The following THRA variants were observed in gnomAD, a reference collection of about 807,000 sequenced individuals.
THRA encodes EAR-7.
Under a neutral mutation model 45.0 loss-of-function variants are expected in THRA, and 13 were observed. The observed-to-expected ratio is 0.29, with a 90% CI of 0.19 to 0.46. The LOEUF (loss-of-function observed/expected upper bound fraction) is 0.46. Ranked by LOEUF, THRA falls within the 20% of genes least tolerant of loss-of-function variation. The pLI, the probability that THRA is intolerant of heterozygous loss-of-function variation, is 1.00. For synonymous variants in THRA, 195 were observed against 214.0 expected (o/e 0.91, Z 0.78); for missense variants, 278 against 556.1 (o/e 0.50, Z 5.03).
At chr17:40,064,435 G>A (rs1404196869) in intron 1 of THRA, among the ~76,000 whole-genome samples, 1 of 152,212 alleles carries the variant, frequency 6.6e-6, no homozygotes, top group African/African-American at 2.4e-5. Context: ...AGACATCATT[G>A]CTTGCCGTGA....
At chr17:40,072,085 C>G (rs1381492453) in intron 1 of THRA, 1 of 152,458 alleles carries the variant, frequency 6.6e-6, no homozygotes, top group African/African-American at 2.4e-5. Flanking sequence ...TTGGCAGTAC[C>G]CAGACACATT....
chr17:40,065,774 G>T (rs989153512), intron 1 of THRA, among the ~76,000 whole-genome samples: 2 of 60,786 alleles, frequency 3.3e-5, no homozygotes, highest in African/African-American at 2.3e-4. Context: ...ATGGGGGAAG[G>T]GGGGGGGGGT....
At chr17:40,087,286 TAGAC>T (rs1268041421) in intron 7 of THRA, among the ~76,000 whole-genome samples, 1 of 103,178 alleles carries the variant, frequency 9.7e-6, no homozygotes, top group Non-Finnish European at 1.9e-5. Flanking sequence ...CACAGATACA[TAGAC>T]ACACACACAC....
rs1282785907 is a variant in THRA, at chr17:40,089,371, G to A, written c.1148G>A (p.Ser383Asn). 7.4e-6 allele frequency: 12 copies of A among 1,614,154 alleles called. No individual in the cohort carries two copies. Among genetic ancestry groups the A allele is most frequent in the Non-Finnish European group, 1.0e-5 (12 of 1,180,036 alleles). ...DLRMIGACHA[S>N]RFLHMKVECP... ...CGCATGATCGGGGCCTGCCACGCCA[G>A]CCGCTTCCTCCACATGAAAGTCGAG... Residue 383 changes from serine to asparagine, a missense_variant, in exon 9 of 9, where the codon AGC becomes AAC. Physicochemically the swap from Ser to Asn is conservative, Grantham distance 46. Around this residue, in one of 6 missense-constraint regions of THRA, gnomAD observed 14 missense variants for 56.3 expected, o/e 0.25. Coordinates refer to ENST00000450525, the MANE Select transcript of THRA (RefSeq NM_199334.5). This position sits in a 1 kb window ranked among gnomAD's most constrained non-coding sequence, Gnocchi z 6.1.
chr17:40,075,409 C>G (rs375347794), intron 2 of THRA, among the ~76,000 whole-genome samples: 1 of 152,188 alleles, frequency 6.6e-6, no homozygotes, highest in African/African-American at 2.4e-5. Flanking sequence ...CTAAGGCCCA[C>G]AACTGGGTCC....
intron 1 of THRA, among the ~76,000 whole-genome samples, chr17:40,064,401 G>T (rs183010959): frequency 6.6e-6 from 1 of 152,200 alleles, no homozygotes; most frequent in Non-Finnish European, 1.5e-5. Flanking sequence ...AGGCACACAC[G>T]TGCTCGCATG....
intron 2 of THRA, among the ~76,000 whole-genome samples, chr17:40,075,965 G>C (rs748244012): frequency 2.6e-5 from 4 of 152,242 alleles, no homozygotes; most frequent in Admixed American, 2.6e-4. Context: ...GGAGGAAGGG[G>C]CCTGCAACAT....
chr17:40,093,003 C>T, downstream of THRA: 1 of 1,600,838 alleles, frequency 6.2e-7, no homozygotes, highest in South Asian at 1.1e-5. The surrounding 1 kb of genome is among the most constrained non-coding windows in gnomAD (Gnocchi z 5.9). Flanking sequence ...TTTGCTTTTC[C>T]TTTTCGTCTC....
intron 4 of THRA, among the ~76,000 whole-genome samples, chr17:40,079,147 TG>T (rs534636832): frequency 2.6e-5 from 4 of 152,014 alleles, no homozygotes; most frequent in East Asian, 1.9e-4. Context: ...GAGCCAGTAC[TG>T]GGGGGGTAGT....
At position 40,071,272 on chromosome 17, in the gene THRA, T is replaced by C. The variant is rs192872488; in HGVS notation, c.-297-2920T>C. ...CGCAGGAGGGTTAATGCGGGTAGTA[T>C]TGGGGGTTAGATCCTGGGGACAGAA... On this transcript the variant is annotated intron_variant, in intron 1 of 8. Transcript: ENST00000450525. Among the ~76,000 whole-genome samples, 355 of 152,260 alleles carry C rather than the reference T, an allele frequency of 2.3e-3. 1 individual carries two copies. The highest frequency in any genetic ancestry group is 8.2e-3 in the African/African-American group (340 of 41,550).
Position 40,092,913 on chromosome 17 carries a change from G to T in THRA, c.*3457G>T. ...AGGGGAAGTTCGGTGATGGGGGAGGGAGGCAGGTATTTACAAGAAGGCTCA... is the reference window on the plus strand; with the variant it reads ...AGGGGAAGTTCGGTGATGGGGGAGGTAGGCAGGTATTTACAAGAAGGCTCA... On this transcript the variant is annotated 3_prime_UTR_variant, in exon 9 of 9. Coordinates refer to ENST00000450525, the MANE Select transcript of THRA (RefSeq NM_199334.5). The T allele has an allele frequency of 6.8e-7, 1 of 1,462,916 alleles. No individual in the cohort carries two copies. Among genetic ancestry groups the T allele is most frequent in the Non-Finnish European group, 9.1e-7 (1 of 1,096,826 alleles). 90.6% of individuals were successfully genotyped at this position (1,462,916 alleles called of 1,614,324 possible).
intron 1 of THRA, among the ~76,000 whole-genome samples, chr17:40,065,945 G>A (rs1457213623): frequency 2.0e-5 from 3 of 152,238 alleles, no homozygotes. Context: ...GCCCCCATGG[G>A]CAGTGGCGGG....
At chr17:40,069,073 T>G (rs1057284514) in intron 1 of THRA, 4 of 150,182 alleles carry the variant, frequency 2.7e-5, no homozygotes, top group African/African-American at 5.0e-5. Flanking sequence ...ACGCGCGCGC[T>G]CTCTCCCTCC....
chr17:40,088,597 T>C, intron 8 of THRA, 97 bp downstream of exon 8: 1 of 1,466,388 alleles, frequency 6.8e-7, no homozygotes. Context: ...CTGAATCTTC[T>C]TCTGGGCTAC....
chr17:40,081,985 T>TA (rs1403400727), intron 4 of THRA, among the ~76,000 whole-genome samples: 1 of 151,382 alleles, frequency 6.6e-6, no homozygotes, highest in Non-Finnish European at 1.5e-5. Context: ...AAAATTAAAT[T>TA]AAAAAAATAA....
intron 2 of THRA, among the ~76,000 whole-genome samples, chr17:40,076,357 G>C (rs1225488296): frequency 3.3e-5 from 5 of 152,066 alleles, no homozygotes; most frequent in Non-Finnish European, 7.3e-5. Context: ...GTAACACATG[G>C]GCATATCCTA....
intron 4 of THRA, among the ~76,000 whole-genome samples, chr17:40,083,048 C>T (rs553885295): frequency 1.2e-4 from 18 of 151,910 alleles, no homozygotes; most frequent in Non-Finnish European, 1.8e-4. Flanking sequence ...CTGCCTCAGC[C>T]TCCCGAGTAG....
intron 1 of THRA, among the ~76,000 whole-genome samples, chr17:40,071,399 G>A (rs772918635): frequency 1.7e-4 from 26 of 152,176 alleles, no homozygotes; most frequent in Non-Finnish European, 2.5e-4. Flanking sequence ...GGGCGCCCGT[G>A]GATGCCGCAT....
rs1987262711 is a variant in THRA, at chr17:40,084,731, G to C, written c.492G>C (p.Glu164Asp). ...LQQRPEPTPE[E>D]WDLIHIATEA... is the part of the protein sequence containing the mutation. ...AGCGACCAGAGCCCACTCCTGAAGA[G>C]TGGGATCTGATCCACATTGCCACAG... Residue 164 changes from glutamate to aspartate, a missense_variant, in exon 6 of 9, where the codon GAG (glutamate) becomes GAC (aspartate). By Grantham distance (45) the Glu-to-Asp change is conservative. Transcript: ENST00000450525. The C allele has an allele frequency of 6.2e-7, 1 of 1,614,050 alleles. No homozygotes were observed. The highest frequency in any genetic ancestry group is 8.5e-7 in the Non-Finnish European group (1 of 1,180,050).
Sources: allele counts gnomAD v4.1 joint callset (sites outside exome capture counted in the v4.1 genomes callset), GRCh38; gene constraint gnomAD v4.1.1; regional missense constraint gnomAD v4.1.1; non-coding constraint Gnocchi (gnomAD v3.1); transcripts MANE v1.5; gene names NCBI Gene and HGNC (gene_info 2026-07-23, HGNC 2026-07-21).